MTDH: variants seen among roughly 807,000 people sequenced by gnomAD.
MTDH encodes the protein protein LYRIC.
In MTDH, 34 loss-of-function variants were observed where a neutral mutation model predicts 72.7. The ratio of observed to expected loss-of-function variants is 0.47; its 90% CI spans 0.36 to 0.62. MTDH has a LOEUF of 0.62. Ranked by LOEUF, MTDH falls within the 20% of genes least tolerant of loss-of-function variation. The pLI, the probability that MTDH is intolerant of heterozygous loss-of-function variation, is 0.00. For synonymous variants in MTDH, 266 were observed against 268.9 expected (o/e 0.99, Z 0.10); for missense variants, 677 against 699.4 (o/e 0.97, Z 0.36).
Position 97,690,997 on chromosome 8 carries a change from G to T in MTDH, c.857G>T (p.Trp286Leu). Residue 286 changes from tryptophan (W) to leucine (L), a missense_variant, in exon 6 of 12, where the codon TGG becomes TTG. This residue lies in a region of MTDH where 467 missense variants were observed against 469.1 expected (regional missense o/e 1.00). Transcript: ENST00000336273. ...AACCTCACTGTCAATGGAGGAGGCT[G>T]GAATGAAAAGTCTGTAAAACTCTCC... ...NENLTVNGGGWNEKSVKLSSQ... is the reference protein window; with the variant it reads ...NENLTVNGGGLNEKSVKLSSQ... 1 of 1,613,798 alleles carries T rather than the reference G, an allele frequency of 6.2e-7. No individual in the cohort carries two copies.
At chr8:97,695,158 G>C (rs1296160246) in intron 6 of MTDH, among the ~76,000 whole-genome samples, 1 of 150,602 alleles carries the variant, frequency 6.6e-6, no homozygotes, top group Non-Finnish European at 1.5e-5. Context: ...ACCCAGGCTG[G>C]ACTGCAGTGG....
intron 2 of MTDH, among the ~76,000 whole-genome samples, chr8:97,677,074 G>A (rs367879559): frequency 2.1e-5 from 3 of 142,234 alleles, no homozygotes; most frequent in East Asian, 2.1e-4. Context: ...TCCCAGCTAC[G>A]TGGGAAGCTG....
intron 7 of MTDH, among the ~76,000 whole-genome samples, chr8:97,705,927 T>G (rs1222900069): frequency 2.0e-5 from 3 of 152,196 alleles, no homozygotes; most frequent in Non-Finnish European, 2.9e-5. Context: ...AAAAATTCAG[T>G]GCATCCTATA....
intron 1 of MTDH, among the ~76,000 whole-genome samples, chr8:97,653,437 C>G (rs1817264053): frequency 6.6e-6 from 1 of 152,134 alleles, no homozygotes; most frequent in South Asian, 2.1e-4. Flanking sequence ...GAAGTTTCTG[C>G]TGAAAATTAT....
In MTDH at chr8:97,727,889, A is replaced by C. The variant is rs913128697; in HGVS notation, c.*3219A>C. On this transcript the variant is annotated 3_prime_UTR_variant, in exon 12 of 12. Transcript: ENST00000336273. ...GTTGAGAGAGTCCAAAAAAAAAAGT[A>C]TTAAAATGTGATTGATGTAATTTAC... 4 of 152,188 alleles carry C rather than the reference A, an allele frequency of 2.6e-5. No homozygotes were observed. The highest frequency in any genetic ancestry group is 4.4e-5 in the Non-Finnish European group (3 of 68,036). 9.4% of individuals were successfully genotyped at this position (152,188 alleles called of 1,614,324 possible). A position where few individuals can be genotyped will look rare whatever the true frequency, so the allele number is the denominator to read the frequency against.
chr8:97,661,058 T>A lies in MTDH; in HGVS notation c.382-14T>A. On this transcript the variant is annotated splice_polypyrimidine_tract_variant and intron_variant, in intron 1 of 11. Coordinates refer to ENST00000336273, the MANE Select transcript of MTDH (RefSeq NM_178812.4). ...AGCAGTTTGATAATATGATACTTTT[T>A]GTTGCCTGTGCAGCCAAATGGGCGG... The A allele has an allele frequency of 6.2e-7, 1 of 1,608,372 alleles. No individual in the cohort carries two copies. The highest frequency in any genetic ancestry group is 8.5e-7 in the Non-Finnish European group (1 of 1,176,036).
intron 2 of MTDH, among the ~76,000 whole-genome samples, chr8:97,664,045 T>A (rs1246908547): frequency 6.6e-6 from 1 of 151,930 alleles, no homozygotes; most frequent in Admixed American, 6.6e-5. Context: ...CCTAGAAAAA[T>A]TTTGTGATTT....
chr8:97,719,425 G>A (rs1280565757), intron 10 of MTDH, among the ~76,000 whole-genome samples: 9 of 149,922 alleles, frequency 6.0e-5, no homozygotes, highest in East Asian at 3.9e-4. Flanking sequence ...CCTGAGAGGC[G>A]GAGGGTGCAG....
chr8:97,718,926 G>A (rs1031150639), intron 9 of MTDH, 123 bp from the exon 10 acceptor site: 3 of 838,080 alleles, frequency 3.6e-6, no homozygotes, highest in Middle Eastern at 3.5e-4. Flanking sequence ...AAATTCCTGA[G>A]CTCAAGCAAT....
At chr8:97,663,361 C>T (rs968315029) in intron 2 of MTDH, among the ~76,000 whole-genome samples, 3 of 151,954 alleles carry the variant, frequency 2.0e-5, no homozygotes, top group African/African-American at 7.3e-5. Context: ...ATATGGCAGG[C>T]ACCATGCAAG....
Position 97,686,092 on chromosome 8 carries a change from C to T in MTDH, c.484-576C>T, listed in dbSNP as rs542132444. Among the ~76,000 whole-genome samples, 8 of 152,300 alleles carry T rather than the reference C, an allele frequency of 5.3e-5. No homozygotes were observed. In the South Asian group the frequency reaches 1.4e-3, roughly 28 times the overall value. The stretch of plus-strand genomic sequence containing the variant: ...TTTGAAACTGACAAAATATTACCTG[C>T]TATGTACAATTGACTCATTAATTTG... On this transcript the variant is annotated intron_variant, in intron 2 of 11. Coordinates refer to ENST00000336273, the MANE Select transcript of MTDH (RefSeq NM_178812.4).
At chr8:97,715,329 T>A (rs892904051) in intron 9 of MTDH, among the ~76,000 whole-genome samples, 1 of 151,884 alleles carries the variant, frequency 6.6e-6, no homozygotes, top group Non-Finnish European at 1.5e-5. Flanking sequence ...GATTTCACCA[T>A]GTTGGCCAGG....
chr8:97,655,494 T>C (rs765347960), intron 1 of MTDH, among the ~76,000 whole-genome samples: 5 of 152,260 alleles, frequency 3.3e-5, no homozygotes, highest in Non-Finnish European at 7.3e-5. Flanking sequence ...ATCCATTAAC[T>C]TCCCAAAAGA....
At position 97,696,459 on chromosome 8, in the gene MTDH, T is replaced by C. The variant is rs569244233; in HGVS notation, c.1049-3295T>C. ...CAGGAAGAGAAGACCTAAATTCTTA[T>C]GTGCAAATGGCTTAATTCCCCTCTC... On this transcript the variant is annotated intron_variant, in intron 6 of 11. Transcript: ENST00000336273. Among the ~76,000 whole-genome samples, 16 of 152,352 alleles carry C rather than the reference T, an allele frequency of 1.1e-4. No individual in the cohort carries two copies. The South Asian group carries it at 2.5e-3, about 24-fold the overall frequency.
chr8:97,674,985 T>C (rs1440702486), intron 2 of MTDH, among the ~76,000 whole-genome samples: 1 of 152,112 alleles, frequency 6.6e-6, no homozygotes, highest in Non-Finnish European at 1.5e-5. Flanking sequence ...TAATTTTTTA[T>C]TTTTTGTAGA....
At chr8:97,673,546 G>T (rs2130963126) in intron 2 of MTDH, among the ~76,000 whole-genome samples, 1 of 152,218 alleles carries the variant, frequency 6.6e-6, no homozygotes, top group East Asian at 1.9e-4. Flanking sequence ...TGTAATCCCA[G>T]CTACTTGGGA....
intron 2 of MTDH, among the ~76,000 whole-genome samples, chr8:97,675,708 C>CA (rs1812814555): frequency 6.6e-6 from 1 of 151,870 alleles, no homozygotes; most frequent in Non-Finnish European, 1.5e-5. Context: ...CCTGTCTCTT[C>CA]AAAAAATACA....
chr8:97,653,617 A>G (rs1377788634), intron 1 of MTDH, among the ~76,000 whole-genome samples: 5 of 152,364 alleles, frequency 3.3e-5, no homozygotes, highest in Middle Eastern at 3.4e-3. Context: ...AAGAACAACA[A>G]TAAACCCTAT....
intron 2 of MTDH, among the ~76,000 whole-genome samples, chr8:97,661,856 T>C (rs1391374922): frequency 6.6e-6 from 1 of 151,054 alleles, no homozygotes; most frequent in East Asian, 1.9e-4. Context: ...GGTGGGAGGA[T>C]TGGTTTCAGT....
Sources: gnomAD v4.1 joint callset for allele counts (sites outside exome capture counted in the v4.1 genomes callset) on GRCh38, gnomAD v4.1.1 for gene constraint, gnomAD v4.1.1 regional missense constraint, MANE v1.5 for transcripts, NCBI Gene and HGNC (gene_info 2026-07-23, HGNC 2026-07-21) for gene names.